KCNN2: variants seen among roughly 807,000 people sequenced by gnomAD.
KCNN2 encodes small conductance calcium-activated potassium channel protein 2.
KCNN2 carries 24 observed loss-of-function variants against 55.5 expected under a neutral mutation model. That is an observed-to-expected ratio of 0.43 (90% CI 0.31 to 0.61). The LOEUF (loss-of-function observed/expected upper bound fraction) is 0.61. KCNN2 is among the 20% of genes least tolerant of loss of function. KCNN2 has a pLI of 0.08. For missense variants in KCNN2, 754 were observed against 853.6 expected, an observed-to-expected ratio of 0.88 and a Z score of 1.45; for synonymous variants, 431 against 336.1, an observed-to-expected ratio of 1.28 and a Z score of -3.09.
At chr5:114,332,188 G>C (rs1199706207) in intron 2 of KCNN2, among the ~76,000 whole-genome samples, 2 of 152,196 alleles carry the variant, frequency 1.3e-5, no homozygotes, top group Non-Finnish European at 2.9e-5. Flanking sequence ...GGAATTTACA[G>C]TTAATATCAG....
intron 2 of KCNN2, among the ~76,000 whole-genome samples, chr5:114,390,723 C>A (rs1309100353): frequency 6.6e-6 from 1 of 152,118 alleles, no homozygotes; most frequent in African/African-American, 2.4e-5. Flanking sequence ...CACCACAGTG[C>A]TTTCTGTGAT....
intron 2 of KCNN2, among the ~76,000 whole-genome samples, chr5:114,298,860 T>C (rs1021279775): frequency 4.6e-5 from 7 of 152,162 alleles, no homozygotes; most frequent in Non-Finnish European, 8.8e-5. Context: ...ACTTCAGATA[T>C]AGTGTTTTTC....
At chr5:114,391,241 C>A (rs73782225) in intron 2 of KCNN2, among the ~76,000 whole-genome samples, 4,453 of 152,104 alleles carry the variant, frequency 0.029, 194 homozygotes, top group African/African-American at 0.098. Context: ...ATCTTTATAT[C>A]GCAAGTTATT....
At chr5:114,221,121 T>C (rs1754129250) in intron 1 of KCNN2, among the ~76,000 whole-genome samples, 1 of 152,232 alleles carries the variant, frequency 6.6e-6, no homozygotes, top group African/African-American at 2.4e-5. Flanking sequence ...CTCTGGCAGA[T>C]GCTGTTCTTT....
chr5:114,462,800 TA>T (rs1228768382), intron 3 of KCNN2, among the ~76,000 whole-genome samples: 1 of 152,214 alleles, frequency 6.6e-6, no homozygotes, highest in African/African-American at 2.4e-5. Context: ...TGTATCATCT[TA>T]CACCAGTGAG....
In KCNN2 at chr5:114,161,374, G is replaced by T. The variant is rs551012661; in HGVS notation, c.-270-60106G>T. On this transcript the variant is annotated intron_variant, in intron 1 of 10. Transcript: ENST00000512097. Reference sequence around the variant, plus strand: ...TAGAGTTTCTGCCAAGAGATCAGCTGTTAGTCTGATGGGCTTCCCTTTGTG... The same window carrying T: ...TAGAGTTTCTGCCAAGAGATCAGCTTTTAGTCTGATGGGCTTCCCTTTGTG... Among the ~76,000 whole-genome samples, 171 of 139,748 alleles carry T rather than the reference G, an allele frequency of 1.2e-3. 4 individuals carry two copies. Among genetic ancestry groups the T allele is most frequent in the Admixed American group, 0.012 (160 of 13,244 alleles). 91.7% of individuals were successfully genotyped at this position (139,748 alleles called of 152,430 possible). A position where few individuals can be genotyped will look rare whatever the true frequency, so the allele number is the denominator to read the frequency against.
intron 1 of KCNN2, among the ~76,000 whole-genome samples, chr5:114,103,437 C>T (rs1174979651): frequency 1.3e-5 from 2 of 152,086 alleles, no homozygotes; most frequent in Admixed American, 1.3e-4. Context: ...TGCCTGATTA[C>T]CCTGGCCAGA....
chr5:114,421,226 CAAA>C (rs5870608), intron 3 of KCNN2, among the ~76,000 whole-genome samples: 1 of 146,190 alleles, frequency 6.8e-6, no homozygotes, highest in Admixed American at 6.8e-5. Context: ...TGAAATTTTA[CAAA>C]AAAAAAAGCC....
chr5:114,339,630 C>T (rs935932055), intron 2 of KCNN2, among the ~76,000 whole-genome samples: 2 of 151,678 alleles, frequency 1.3e-5, no homozygotes, highest in African/African-American at 2.4e-5. Context: ...TGGAGAAACC[C>T]CATCTCTACA....
chr5:114,238,040 A>C (rs1561535395), intron 2 of KCNN2, among the ~76,000 whole-genome samples: 2 of 152,164 alleles, frequency 1.3e-5, no homozygotes, highest in Admixed American at 6.5e-5. Flanking sequence ...ACCGCAAAGG[A>C]AGCTTAGTCA....
chr5:114,260,560 G>T (rs115309135), intron 2 of KCNN2, among the ~76,000 whole-genome samples: 2 of 152,084 alleles, frequency 1.3e-5, no homozygotes, highest in Non-Finnish European at 2.9e-5. Flanking sequence ...CAATGATCTC[G>T]AATATCTTGT....
intron 3 of KCNN2, among the ~76,000 whole-genome samples, chr5:114,444,070 G>A (rs1760311791): frequency 1.3e-5 from 2 of 152,208 alleles, no homozygotes; most frequent in African/African-American, 4.8e-5. Flanking sequence ...CTGGTAAGAT[G>A]TCTGTTACAA....
At chr5:114,327,129 A>T (rs943647603) in intron 2 of KCNN2, among the ~76,000 whole-genome samples, 2 of 152,222 alleles carry the variant, frequency 1.3e-5, no homozygotes, top group Non-Finnish European at 2.9e-5. Flanking sequence ...CCTGATCCCA[A>T]ATGAAAATGA....
At chr5:114,312,458 T>C (rs1355627805) in intron 2 of KCNN2, among the ~76,000 whole-genome samples, 12 of 113,214 alleles carry the variant, frequency 1.1e-4, no homozygotes, top group African/African-American at 3.4e-4. Context: ...TATATATATA[T>C]ATATATATAT....
At chr5:114,332,610 C>T (rs1756845200) in intron 2 of KCNN2, among the ~76,000 whole-genome samples, 1 of 152,170 alleles carries the variant, frequency 6.6e-6, no homozygotes, top group Admixed American at 6.5e-5. Context: ...GGGCTTCTGT[C>T]TGGCCACCCT....
chr5:114,321,292 G>T (rs533457424), intron 2 of KCNN2, among the ~76,000 whole-genome samples: 1 of 152,110 alleles, frequency 6.6e-6, no homozygotes, highest in Non-Finnish European at 1.5e-5. Context: ...AAGGAGTCTT[G>T]TGTTCATGTG....
chr5:114,366,925 A>G (rs185762100), intron 2 of KCNN2, among the ~76,000 whole-genome samples: 17 of 152,348 alleles, frequency 1.1e-4, no homozygotes, highest in African/African-American at 3.8e-4. Flanking sequence ...TCTTTTTAGC[A>G]TATCAGTATG....
intron 2 of KCNN2, among the ~76,000 whole-genome samples, chr5:114,332,427 A>C (rs1756841157): frequency 6.6e-6 from 1 of 152,226 alleles, no homozygotes; most frequent in Admixed American, 6.5e-5. Context: ...GATTCTGGGA[A>C]AATTTAGTAA....
At chr5:114,086,050 C>A (rs945391828) in intron 1 of KCNN2, among the ~76,000 whole-genome samples, 1 of 152,048 alleles carries the variant, frequency 6.6e-6, no homozygotes, top group African/African-American at 2.4e-5. Flanking sequence ...GCAACTACAG[C>A]TTTTCTTTGA....
Sources: allele counts gnomAD v4.1 joint callset (sites outside exome capture counted in the v4.1 genomes callset), GRCh38; gene constraint gnomAD v4.1.1; transcripts MANE v1.5; gene names NCBI Gene and HGNC (gene_info 2026-07-23, HGNC 2026-07-21).